Variants in PCDH15 observed in about 807,000 individuals in gnomAD.
PCDH15 encodes protocadherin-15.
PCDH15 carries 129 observed loss-of-function variants against 178.5 expected under a neutral mutation model. That is an observed-to-expected ratio of 0.72 (90% CI 0.63 to 0.84). The LOEUF (loss-of-function observed/expected upper bound fraction) is 0.84. Among genes scored for constraint, PCDH15 ranks in the 40% least tolerant of loss-of-function variants. The probability of loss-of-function intolerance (pLI) is 0.00; values close to 1 mark genes in which losing one functional copy is unlikely to be tolerated. For missense variants in PCDH15, 2,230 were observed against 2,099.9 expected (o/e 1.06, Z -1.21); for synonymous variants, 800 against 732.0 (o/e 1.09, Z -1.50).
In PCDH15 at chr10:55,595,384, G is replaced by C. The variant is rs185218954; in HGVS notation, c.-156+32241C>G. ...AACTTTACACAGTAAGGCCTTATAT[G>C]CACACCTGGCCTCATTTCAAAAGAC... is the stretch of plus-strand genomic sequence containing the variant. On this transcript the variant is annotated intron_variant, in intron 2 of 5. Coordinates refer to the PCDH15 transcript ENST00000613346. 2.7e-3 allele frequency among the ~76,000 whole-genome samples: 413 copies of C among 152,060 alleles called. 3 individuals carry two copies. Among genetic ancestry groups the C allele is most frequent in the Middle Eastern group, 3.4e-3 (1 of 294 alleles).
chr10:55,124,418 C>T (rs1181658535), intron 2 of PCDH15, among the ~76,000 whole-genome samples: 2 of 152,098 alleles, frequency 1.3e-5, no homozygotes, highest in Non-Finnish European at 2.9e-5. Flanking sequence ...AACATGCACA[C>T]ACACACTTCT....
At chr10:54,779,292 A>G (rs1465597166) in intron 1 of PCDH15, among the ~76,000 whole-genome samples, 1 of 150,542 alleles carries the variant, frequency 6.6e-6, no homozygotes, top group Admixed American at 6.6e-5. Context: ...ATAAAGCCAA[A>G]TTCTTTATAA....
chr10:54,296,037 T>C (rs2059747807), intron 8 of PCDH15, among the ~76,000 whole-genome samples: 1 of 143,962 alleles, frequency 6.9e-6, no homozygotes, highest in African/African-American at 2.6e-5. Flanking sequence ...CCCAGCTACT[T>C]GGGAGGCTGA....
intron 25 of PCDH15, among the ~76,000 whole-genome samples, chr10:53,911,720 T>C (rs2083101663): frequency 6.6e-6 from 1 of 152,096 alleles, no homozygotes; most frequent in African/African-American, 2.4e-5. Context: ...AATAAAGTCT[T>C]GCACCATCAC....
At chr10:54,483,998 T>C (rs1267766051) in intron 3 of PCDH15, among the ~76,000 whole-genome samples, 5 of 151,902 alleles carry the variant, frequency 3.3e-5, no homozygotes, top group African/African-American at 9.7e-5. Context: ...AGGTTATAGA[T>C]GATTTTTCCC....
At chr10:55,014,543 C>G (rs1840124066) in intron 2 of PCDH15, among the ~76,000 whole-genome samples, 1 of 151,804 alleles carries the variant, frequency 6.6e-6, no homozygotes, top group Non-Finnish European at 1.5e-5. Context: ...CACTTCTATA[C>G]AGTGAAAAAA....
intron 2 of PCDH15, among the ~76,000 whole-genome samples, chr10:55,620,517 G>A (rs1843569799): frequency 6.6e-6 from 1 of 151,768 alleles, no homozygotes; most frequent in Non-Finnish European, 1.5e-5. Flanking sequence ...AATGCCCATT[G>A]ATTATAATGT....
chr10:53,969,269 T>C (rs1460694093), intron 21 of PCDH15, among the ~76,000 whole-genome samples: 1 of 151,814 alleles, frequency 6.6e-6, no homozygotes, highest in Non-Finnish European at 1.5e-5. Flanking sequence ...TGATTGAAGA[T>C]CAAATGAATG....
In PCDH15 at chr10:54,408,949, T is replaced by C. The variant is rs371767005; in HGVS notation, c.158-30007A>G. On this transcript the variant is annotated intron_variant, in intron 3 of 37. Coordinates refer to ENST00000644397, the MANE Select transcript of PCDH15 (RefSeq NM_001384140.1). ...GTCCCCACTAAAATCTCATCTCAAA[T>C]TGTAGCTCCCATAATTCCCTCATGT... Among the ~76,000 whole-genome samples, 123 of 152,196 alleles carry C rather than the reference T, an allele frequency of 8.1e-4. No individual in the cohort carries two copies. The South Asian group carries it at 0.011, about 14-fold the overall frequency.
At chr10:54,291,723 G>T (rs1031018242) in intron 8 of PCDH15, among the ~76,000 whole-genome samples, 9 of 152,198 alleles carry the variant, frequency 5.9e-5, no homozygotes, top group Admixed American at 3.9e-4. Context: ...AAATCTAGAA[G>T]AAATGTATAA....
intron 2 of PCDH15, among the ~76,000 whole-genome samples, chr10:55,429,252 A>T (rs571198091): frequency 3.3e-5 from 5 of 152,104 alleles, no homozygotes; most frequent in Admixed American, 6.6e-5. Flanking sequence ...AGCACTTCTT[A>T]TAAGATGGAT....
chr10:54,028,862 G>T (rs1036721502), intron 18 of PCDH15, among the ~76,000 whole-genome samples: 1 of 147,882 alleles, frequency 6.8e-6, no homozygotes, highest in Non-Finnish European at 1.5e-5. Context: ...TGGGTGCAGC[G>T]CACCAGCATG....
intron 26 of PCDH15, among the ~76,000 whole-genome samples, chr10:53,901,160 C>T (rs2610924): frequency 0.011 from 1,153 of 108,348 alleles, 12 homozygotes; most frequent in African/African-American, 0.029. Context: ...GCTTAGTCTT[C>T]GTATTTTTTT....
chr10:54,840,243 C>A (rs575254955), intron 3 of PCDH15, among the ~76,000 whole-genome samples: 58 of 151,874 alleles, frequency 3.8e-4, no homozygotes, highest in African/African-American at 1.4e-3. Context: ...ATAACTACAA[C>A]TACAATCATT....
chr10:55,471,412 T>A (rs2132107324), intron 2 of PCDH15, among the ~76,000 whole-genome samples: 1 of 152,358 alleles, frequency 6.6e-6, no homozygotes, highest in South Asian at 2.1e-4. Flanking sequence ...TCATATACTG[T>A]ATAATCACTA....
chr10:53,831,632 T>G, intron 29 of PCDH15, 99 bp from the exon 30 acceptor site: 1 of 855,180 alleles, frequency 1.2e-6, no homozygotes, highest in African/African-American at 1.7e-5. Flanking sequence ...TTTTCTCTAA[T>G]TGAAACACAA....
chr10:55,235,427 A>G (rs767200299), intron 1 of PCDH15, among the ~76,000 whole-genome samples: 4 of 152,102 alleles, frequency 2.6e-5, no homozygotes, highest in Non-Finnish European at 4.4e-5. Context: ...TTACACCTTA[A>G]AAATCTTTTA....
At chr10:55,428,312 T>G (rs977574388) in intron 2 of PCDH15, among the ~76,000 whole-genome samples, 1 of 152,018 alleles carries the variant, frequency 6.6e-6, no homozygotes, top group South Asian at 2.1e-4. Context: ...TTCTGTAATA[T>G]CTATCAGTTA....
At chr10:55,147,962 C>A (rs1229814883) in intron 2 of PCDH15, among the ~76,000 whole-genome samples, 1 of 151,732 alleles carries the variant, frequency 6.6e-6, no homozygotes, top group Non-Finnish European at 1.5e-5. Flanking sequence ...TTACTGCTTT[C>A]TAAAATATAG....
Sources: gnomAD v4.1 joint callset for allele counts (sites outside exome capture counted in the v4.1 genomes callset) on GRCh38, gnomAD v4.1.1 for gene constraint, MANE v1.5 for transcripts, NCBI Gene and HGNC (gene_info 2026-07-23, HGNC 2026-07-21) for gene names.